The following CTNNA2 variants were observed in gnomAD, a reference collection of about 807,000 sequenced individuals.
CTNNA2 encodes the protein catenin alpha-2.
In CTNNA2, 42 loss-of-function variants were observed where a neutral mutation model predicts 101.0. The ratio of observed to expected loss-of-function variants is 0.42; its 90% confidence interval spans 0.32 to 0.54. The LOEUF (loss-of-function observed/expected upper bound fraction) is 0.54. CTNNA2 is among the 20% of genes least tolerant of loss of function. CTNNA2 has a pLI of 0.14. For missense variants in CTNNA2, 871 were observed against 1,223.1 expected (o/e 0.71, Z 4.29); for synonymous variants, 450 against 456.4 (o/e 0.99, Z 0.18).
intron 1 of CTNNA2, among the ~76,000 whole-genome samples, chr2:79,641,133 T>G (rs1680422338): frequency 6.6e-6 from 1 of 152,184 alleles, no homozygotes; most frequent in Admixed American, 6.5e-5. Context: ...AAGTGGAATA[T>G]CTGCCTGGTT....
chr2:79,489,951 A>G (rs1671193356), intron 4 of CTNNA2, among the ~76,000 whole-genome samples: 1 of 151,966 alleles, frequency 6.6e-6, no homozygotes, highest in Non-Finnish European at 1.5e-5. Context: ...TCTCATTGTC[A>G]CTGTAATTTT....
chr2:79,815,512 A>G (rs537206160), intron 3 of CTNNA2, among the ~76,000 whole-genome samples: 1 of 152,254 alleles, frequency 6.6e-6, no homozygotes, highest in Admixed American at 6.5e-5. Context: ...ATTTGTTGAA[A>G]AGAATGTCCT....
intron 1 of CTNNA2, among the ~76,000 whole-genome samples, chr2:79,650,179 G>A (rs1411638755): frequency 7.4e-6 from 1 of 134,246 alleles, no homozygotes; most frequent in Non-Finnish European, 1.6e-5. Context: ...TTTTCGGGGG[G>A]GGGGGGGGAG....
chr2:80,599,634 C>T (rs1697291700), intron 15 of CTNNA2, among the ~76,000 whole-genome samples: 1 of 151,988 alleles, frequency 6.6e-6, no homozygotes. Context: ...TTTAAAGAAA[C>T]CTGGGCCTTG....
At chr2:80,041,210 T>C (rs1045843206) in intron 7 of CTNNA2, among the ~76,000 whole-genome samples, 1 of 152,058 alleles carries the variant, frequency 6.6e-6, no homozygotes. Flanking sequence ...ATTTTTGTAA[T>C]GTACTTTCAT....
At chr2:79,761,784 A>C (rs1341693322) in intron 3 of CTNNA2, among the ~76,000 whole-genome samples, 5 of 152,228 alleles carry the variant, frequency 3.3e-5, no homozygotes, top group Admixed American at 3.3e-4. Context: ...TTATGAACTT[A>C]CTGCTTTGGT....
chr2:80,045,638 A>G (rs1213799965), intron 7 of CTNNA2, among the ~76,000 whole-genome samples: 5 of 151,972 alleles, frequency 3.3e-5, no homozygotes, highest in African/African-American at 7.2e-5. Flanking sequence ...GTCTCCTATT[A>G]TTTTCTTCTC....
At chr2:79,716,389 G>A (rs1686103623) in intron 2 of CTNNA2, among the ~76,000 whole-genome samples, 1 of 152,138 alleles carries the variant, frequency 6.6e-6, no homozygotes. Flanking sequence ...CCTCAGTGTT[G>A]CATCCATGCC....
At chr2:79,426,824 T>C (rs754489222) in intron 4 of CTNNA2, among the ~76,000 whole-genome samples, 1 of 152,184 alleles carries the variant, frequency 6.6e-6, no homozygotes, top group Non-Finnish European at 1.5e-5. Context: ...ACAAGTGCTA[T>C]CTACCAGGCA....
At chr2:79,959,561 G>T (rs549391864) in intron 7 of CTNNA2, among the ~76,000 whole-genome samples, 1 of 152,034 alleles carries the variant, frequency 6.6e-6, no homozygotes, top group Non-Finnish European at 1.5e-5. Flanking sequence ...CCTGGAAGGC[G>T]CAATCCTTTG....
chr2:79,442,583 ATAT>A (rs1331610733), intron 4 of CTNNA2, among the ~76,000 whole-genome samples: 7 of 152,156 alleles, frequency 4.6e-5, no homozygotes, highest in Non-Finnish European at 7.4e-5. Flanking sequence ...ACTGAACTAA[ATAT>A]TATTATCACA....
At chr2:79,796,423 C>T (rs1675706879) in intron 3 of CTNNA2, among the ~76,000 whole-genome samples, 1 of 145,916 alleles carries the variant, frequency 6.9e-6, no homozygotes, top group Non-Finnish European at 1.5e-5. Context: ...GTGGCCTAAA[C>T]TATGCCCAAG....
intron 2 of CTNNA2, among the ~76,000 whole-genome samples, chr2:79,721,504 A>G (rs746433385): frequency 4.0e-4 from 61 of 152,162 alleles, no homozygotes; most frequent in Admixed American, 5.9e-4. Context: ...TATGTTTCCA[A>G]CACATGAAAT....
At chr2:80,124,868 T>C (rs868195009) in intron 7 of CTNNA2, among the ~76,000 whole-genome samples, 4 of 152,098 alleles carry the variant, frequency 2.6e-5, no homozygotes, top group Non-Finnish European at 5.9e-5. Flanking sequence ...TCGAGGTCAC[T>C]GATAGCTTTG....
intron 9 of CTNNA2, among the ~76,000 whole-genome samples, chr2:80,542,766 T>C (rs930784583): frequency 2.0e-5 from 3 of 152,158 alleles, no homozygotes; most frequent in African/African-American, 2.4e-5. Context: ...CACTATTTCA[T>C]AGAATGAGAG....
At chr2:79,269,206 A>C (rs1422082767) in intron 2 of CTNNA2, among the ~76,000 whole-genome samples, 1 of 152,114 alleles carries the variant, frequency 6.6e-6, no homozygotes, top group Non-Finnish European at 1.5e-5. Flanking sequence ...AAAGCTAAGC[A>C]CCTGAAAAAT....
chr2:79,492,953 A>T (rs1325618075), intron 4 of CTNNA2, among the ~76,000 whole-genome samples: 1 of 152,238 alleles, frequency 6.6e-6, no homozygotes, highest in Non-Finnish European at 1.5e-5. Context: ...TTAAAAAGCA[A>T]AAATCACAAC....
intron 2 of CTNNA2, among the ~76,000 whole-genome samples, chr2:79,654,683 C>T (rs1361220639): frequency 1.3e-5 from 2 of 152,096 alleles, no homozygotes; most frequent in Non-Finnish European, 2.9e-5. Flanking sequence ...TTCGCAAATT[C>T]CAGGGATTAG....
intron 17 of CTNNA2, among the ~76,000 whole-genome samples, chr2:80,613,720 A>G (rs1698639972): frequency 6.6e-6 from 1 of 151,510 alleles, no homozygotes; most frequent in Non-Finnish European, 1.5e-5. Context: ...GTTCCAATAT[A>G]CTCATTTTAA....
Sources: gnomAD v4.1 joint callset for allele counts (sites outside exome capture counted in the v4.1 genomes callset) on GRCh38, gnomAD v4.1.1 for gene constraint, MANE v1.5 for transcripts, NCBI Gene and HGNC (gene_info 2026-07-23, HGNC 2026-07-21) for gene names.